The following CHRDL1 variants were observed in gnomAD, a reference collection of about 807,000 sequenced individuals.
CHRDL1 encodes chordin-like protein 1.
In CHRDL1, 19 loss-of-function variants were observed where a neutral mutation model predicts 40.9. That is an observed-to-expected ratio of 0.46 (90% CI 0.32 to 0.68). The LOEUF (loss-of-function observed/expected upper bound fraction) is 0.68, where lower values mean the gene tolerates loss of function less well. Among genes scored for constraint, CHRDL1 ranks in the 30% least tolerant of loss-of-function variants. The pLI, the probability that CHRDL1 is intolerant of heterozygous loss-of-function variation, is 0.03. For missense variants in CHRDL1, 329 were observed against 352.1 expected (o/e 0.93, Z 0.53); for synonymous variants, 136 against 123.4 (o/e 1.10, Z -0.68).
At chrX:110,721,944 C>A (rs1006020914) in intron 4 of CHRDL1, among the ~76,000 whole-genome samples, 2 of 112,108 alleles carry the variant, frequency 1.8e-5, no homozygotes, top group African/African-American at 6.5e-5. Flanking sequence ...TCTTTTCCCC[C>A]AGTTGCTTCA....
At chrX:110,692,226 G>A (rs912589801) in intron 8 of CHRDL1, among the ~76,000 whole-genome samples, 1 of 111,770 alleles carries the variant, frequency 8.9e-6, no homozygotes, top group Non-Finnish European at 1.9e-5. Context: ...TAGACTGGAT[G>A]AGACTCTGCA....
At chrX:110,777,350 G>A (rs1054665454) in intron 2 of CHRDL1, among the ~76,000 whole-genome samples, 1 of 10,905 alleles carries the variant, frequency 9.2e-5, no homozygotes, top group Admixed American at 2.7e-3. Context: ...TAAAATTTGG[G>A]ATGTTAAATA....
At chrX:110,743,296 G>T (rs1478558706) in intron 4 of CHRDL1, among the ~76,000 whole-genome samples, 1 of 112,493 alleles carries the variant, frequency 8.9e-6, no homozygotes, top group Non-Finnish European at 1.9e-5. Flanking sequence ...CCTGACCAAT[G>T]CTGACTTTGG....
intron 2 of CHRDL1, among the ~76,000 whole-genome samples, chrX:110,790,119 T>C (rs778413019): frequency 8.9e-6 from 1 of 112,185 alleles, no homozygotes; most frequent in Non-Finnish European, 1.9e-5. Flanking sequence ...ATATAGGACA[T>C]ATGCTTTGAG....
At chrX:110,758,130 C>CAAAAAAAAAAAAAAAAAAAAAAAAAAAA (rs1165155426) in intron 4 of CHRDL1, among the ~76,000 whole-genome samples, 2 of 82,838 alleles carry the variant, frequency 2.4e-5, no homozygotes, top group Non-Finnish European at 4.9e-5. Flanking sequence ...AACAAAAAAA[C>CAAAAAAAAAAAAAAAAAAAAAAAAAAAA]AAAAAAAAAA....
chrX:110,724,658 T>C (rs1251046945), intron 4 of CHRDL1, among the ~76,000 whole-genome samples: 1 of 110,582 alleles, frequency 9.0e-6, no homozygotes, highest in Non-Finnish European at 1.9e-5. Context: ...TTTCCTGCTT[T>C]CAAATTTGTG....
At chrX:110,768,307 C>T (rs1334417306) in intron 2 of CHRDL1, among the ~76,000 whole-genome samples, 1 of 111,802 alleles carries the variant, frequency 8.9e-6, no homozygotes, top group Non-Finnish European at 1.9e-5. Context: ...ATACAAAGTC[C>T]CTGCTCCCAT....
chrX:110,679,320 G>A lies in CHRDL1; in HGVS notation c.1246+16C>T. ...AATGTGTTTTTCAGGGAGCAGTCAA[G>A]AGAAGTACTACTTACTCAGGGTTGT... On this transcript the variant is annotated intron_variant, in intron 11 of 11. Transcript: ENST00000372042. The A allele has an allele frequency of 8.9e-7, 1 of 1,129,631 alleles. No homozygotes were observed. The highest frequency in any genetic ancestry group is 1.2e-6 in the Non-Finnish European group (1 of 820,755). 93.1% of individuals were successfully genotyped at this position (1,129,631 alleles called of 1,213,427 possible). A position where few individuals can be genotyped will look rare whatever the true frequency, so the allele number is the denominator to read the frequency against.
intron 7 of CHRDL1, among the ~76,000 whole-genome samples, chrX:110,694,860 G>C (rs1225832169): frequency 8.9e-6 from 1 of 111,834 alleles, no homozygotes; most frequent in Non-Finnish European, 1.9e-5. Flanking sequence ...AGGTTTACAA[G>C]TTGAGAAGGT....
At chrX:110,681,094 T>C (rs1008225493) in intron 10 of CHRDL1, among the ~76,000 whole-genome samples, 2 of 111,827 alleles carry the variant, frequency 1.8e-5, no homozygotes, top group Admixed American at 9.5e-5. Context: ...AGAAGCATTA[T>C]GAACAAACAC....
At chrX:110,768,940 C>T (rs1429313879) in intron 2 of CHRDL1, among the ~76,000 whole-genome samples, 2 of 111,447 alleles carry the variant, frequency 1.8e-5, no homozygotes, top group Non-Finnish European at 3.8e-5. Flanking sequence ...ACTAATACAA[C>T]TCCCAACTAA....
intron 6 of CHRDL1, among the ~76,000 whole-genome samples, chrX:110,707,610 G>T (rs2070667329): frequency 9.0e-6 from 1 of 111,584 alleles, no homozygotes; most frequent in African/African-American, 3.3e-5. Flanking sequence ...AATGAAACTG[G>T]ACCCCTTCCT....
At chrX:110,689,450 CTATATA>C (rs1254423174) in intron 8 of CHRDL1, among the ~76,000 whole-genome samples, 1 of 58,893 alleles carries the variant, frequency 1.7e-5, no homozygotes, top group Non-Finnish European at 2.5e-5. Context: ...CTATATATAT[CTATATA>C]TCTATATATA....
At chrX:110,761,680 G>T (rs965791932) in intron 3 of CHRDL1, among the ~76,000 whole-genome samples, 1 of 111,807 alleles carries the variant, frequency 8.9e-6, no homozygotes, top group Non-Finnish European at 1.9e-5. Flanking sequence ...CCCACAATGC[G>T]CAGGACAGCC....
intron 4 of CHRDL1, among the ~76,000 whole-genome samples, chrX:110,754,142 G>A (rs984908979): frequency 9.8e-5 from 11 of 111,878 alleles, no homozygotes; most frequent in African/African-American, 2.9e-4. Flanking sequence ...ATGATTCTCC[G>A]TGATCTTTGT....
intron 4 of CHRDL1, among the ~76,000 whole-genome samples, chrX:110,749,562 A>C (rs1229703892): frequency 8.9e-6 from 1 of 112,164 alleles, no homozygotes; most frequent in East Asian, 2.8e-4. Context: ...CAAAGACAAA[A>C]GACAACACAT....
intron 4 of CHRDL1, among the ~76,000 whole-genome samples, chrX:110,754,785 C>T (rs1005232604): frequency 2.6e-4 from 29 of 110,347 alleles, no homozygotes; most frequent in African/African-American, 8.9e-4. Context: ...CTTTAATAAC[C>T]CAGGAATGCT....
intron 2 of CHRDL1, among the ~76,000 whole-genome samples, chrX:110,779,366 G>A (rs2089904741): frequency 1.8e-5 from 2 of 111,437 alleles, no homozygotes; most frequent in Non-Finnish European, 3.8e-5. Flanking sequence ...GTTCCATTTT[G>A]AGTAAATGTT....
intron 9 of CHRDL1, among the ~76,000 whole-genome samples, chrX:110,686,237 T>G (rs148862890): frequency 0.031 from 3,460 of 111,162 alleles, 143 homozygotes; most frequent in African/African-American, 0.11. Flanking sequence ...GAGAGGACAA[T>G]TGTTTTAAAA....
Sources: allele counts gnomAD v4.1 joint callset (sites outside exome capture counted in the v4.1 genomes callset), GRCh38; gene constraint gnomAD v4.1.1; transcripts MANE v1.5; gene names NCBI Gene and HGNC (gene_info 2026-07-23, HGNC 2026-07-21).